ERBB4: variants seen among roughly 807,000 people sequenced by gnomAD.
The protein encoded by ERBB4 is receptor tyrosine-protein kinase erbB-4.
A neutral mutation model predicts 158.0 loss-of-function variants in ERBB4; 42 were observed. That is an observed-to-expected ratio of 0.27 (90% CI 0.21 to 0.34). The LOEUF is 0.34. Ranked by LOEUF, ERBB4 falls within the 10% of genes least tolerant of loss-of-function variation. ERBB4 has a pLI of 1.00. For missense variants in ERBB4, 1,333 were observed against 1,624.1 expected (o/e 0.82, Z 3.08); for synonymous variants, 583 against 558.7 (o/e 1.04, Z -0.61).
chr2:211,454,765 A>C (rs1408122309), intron 20 of ERBB4, among the ~76,000 whole-genome samples: 2 of 152,218 alleles, frequency 1.3e-5, no homozygotes, highest in African/African-American at 4.8e-5. Context: ...GAGAACCATG[A>C]GAGCTCCATT....
chr2:211,788,198 T>G (rs1178666742), intron 3 of ERBB4, 39 bp from the exon 4 acceptor site: 1 of 1,507,602 alleles, frequency 6.6e-7, no homozygotes, highest in South Asian at 1.1e-5. Flanking sequence ...TTTGTCAAAC[T>G]GCTTGTTGAT....
intron 2 of ERBB4, among the ~76,000 whole-genome samples, chr2:211,978,533 C>G (rs2081697597): frequency 6.6e-6 from 1 of 152,090 alleles, no homozygotes; most frequent in Admixed American, 6.6e-5. Flanking sequence ...AGGGATCCTC[C>G]CAACCTTAGT....
At chr2:212,352,382 TAATC>T (rs2089292560) in intron 1 of ERBB4, among the ~76,000 whole-genome samples, 1 of 147,926 alleles carries the variant, frequency 6.8e-6, no homozygotes, top group African/African-American at 2.5e-5. Flanking sequence ...GAAAAAGAAA[TAATC>T]AAGACAAAAA....
intron 1 of ERBB4, among the ~76,000 whole-genome samples, chr2:212,331,706 T>C (rs2088183087): frequency 6.6e-6 from 1 of 152,042 alleles, no homozygotes; most frequent in Non-Finnish European, 1.5e-5. Context: ...AGAACCTTAC[T>C]CTCTCAGAGA....
intron 4 of ERBB4, among the ~76,000 whole-genome samples, chr2:211,753,553 G>T (rs1023764966): frequency 1.3e-5 from 2 of 151,784 alleles, no homozygotes; most frequent in East Asian, 1.9e-4. Context: ...CAGCCTCCTA[G>T]CCCAGGAAAG....
intron 2 of ERBB4, among the ~76,000 whole-genome samples, chr2:212,053,594 C>A (rs772727422): frequency 6.6e-6 from 1 of 152,178 alleles, no homozygotes; most frequent in Non-Finnish European, 1.5e-5. Flanking sequence ...CAGTTTAACA[C>A]CCTTCAAATA....
intron 1 of ERBB4, among the ~76,000 whole-genome samples, chr2:212,428,999 T>A (rs907599207): frequency 6.6e-6 from 1 of 152,150 alleles, no homozygotes; most frequent in Admixed American, 6.6e-5. Context: ...ATTTAAAGAA[T>A]GTTAATATAA....
chr2:212,519,550 G>A (rs545979075), intron 1 of ERBB4, among the ~76,000 whole-genome samples: 264 of 151,960 alleles, frequency 1.7e-3, no homozygotes, highest in Admixed American at 3.0e-3. Context: ...GGGGCGGGGG[G>A]CTAGAGGAGG....
At chr2:211,617,884 G>T (rs2069453273) in intron 19 of ERBB4, among the ~76,000 whole-genome samples, 1 of 151,996 alleles carries the variant, frequency 6.6e-6, no homozygotes, top group Admixed American at 6.6e-5. Context: ...TATGCTAAAA[G>T]ATAGAGAAAG....
At chr2:212,030,306 T>C (rs2076873351) in intron 2 of ERBB4, among the ~76,000 whole-genome samples, 1 of 152,084 alleles carries the variant, frequency 6.6e-6, no homozygotes, top group Non-Finnish European at 1.5e-5. Context: ...GCCGTCTAAC[T>C]AGCTGGATGC....
At chr2:212,395,567 T>A (rs1000470848) in intron 1 of ERBB4, among the ~76,000 whole-genome samples, 6 of 151,822 alleles carry the variant, frequency 4.0e-5, no homozygotes, top group Non-Finnish European at 7.4e-5. Context: ...TTAGCATCTT[T>A]GGCTTGGGAG....
intron 3 of ERBB4, among the ~76,000 whole-genome samples, chr2:211,877,677 G>GAA (rs2078544405): frequency 6.6e-6 from 1 of 151,654 alleles, no homozygotes; most frequent in South Asian, 2.1e-4. Context: ...ATTTTTAAAT[G>GAA]AAAACAATTT....
chr2:211,386,357 A>T (rs1301160013), intron 27 of ERBB4, among the ~76,000 whole-genome samples: 2 of 152,200 alleles, frequency 1.3e-5, no homozygotes, highest in Non-Finnish European at 2.9e-5. Flanking sequence ...ATAAGAACAT[A>T]ATATTTTCCT....
chr2:211,544,368 A>C (rs1226396317), intron 20 of ERBB4, among the ~76,000 whole-genome samples: 1 of 152,028 alleles, frequency 6.6e-6, no homozygotes, highest in Admixed American at 6.6e-5. Context: ...TTAAGGCAAA[A>C]AATCAATTAG....
chr2:211,935,838 G>A (rs1416791700), intron 3 of ERBB4, among the ~76,000 whole-genome samples: 2 of 152,122 alleles, frequency 1.3e-5, no homozygotes, highest in Non-Finnish European at 2.9e-5. Flanking sequence ...TTGCAAGGAT[G>A]AAGAGAGATC....
intron 1 of ERBB4, among the ~76,000 whole-genome samples, chr2:212,166,513 A>T (rs1277318647): frequency 6.6e-6 from 1 of 151,998 alleles, no homozygotes; most frequent in Non-Finnish European, 1.5e-5. Context: ...TATACTGCCC[A>T]AAGTAATTTT....
At chr2:211,618,968 C>G in intron 19 of ERBB4, among the ~76,000 whole-genome samples, 1 of 152,130 alleles carries the variant, frequency 6.6e-6, no homozygotes, top group South Asian at 2.1e-4. Context: ...TTCTAGTGAC[C>G]TATCTAGGCA....
At chr2:212,138,869 T>C (rs1183641328) in intron 1 of ERBB4, among the ~76,000 whole-genome samples, 1 of 152,160 alleles carries the variant, frequency 6.6e-6, no homozygotes, top group Admixed American at 6.6e-5. Flanking sequence ...TGATTGAACA[T>C]GTCATGGGTA....
intron 1 of ERBB4, among the ~76,000 whole-genome samples, chr2:212,478,067 A>C (rs1380262667): frequency 6.6e-6 from 1 of 152,158 alleles, no homozygotes; most frequent in Non-Finnish European, 1.5e-5. Context: ...AGAATGCAAG[A>C]ACCCAATCAA....
Sources: gnomAD v4.1 joint callset for allele counts (sites outside exome capture counted in the v4.1 genomes callset) on GRCh38, gnomAD v4.1.1 for gene constraint, MANE v1.5 for transcripts, NCBI Gene and HGNC (gene_info 2026-07-23, HGNC 2026-07-21) for gene names.